PPARGC1A: variants seen among roughly 807,000 people sequenced by gnomAD.
PPARGC1A encodes the protein peroxisome proliferator-activated receptor gamma coactivator 1-alpha.
In PPARGC1A, 25 loss-of-function variants were observed where a neutral mutation model predicts 88.7. The ratio of observed to expected loss-of-function variants is 0.28; its 90% CI spans 0.21 to 0.39. The LOEUF (loss-of-function observed/expected upper bound fraction) is 0.39, where lower values mean the gene tolerates loss of function less well. Among genes scored for constraint, PPARGC1A ranks in the 10% least tolerant of loss-of-function variants. PPARGC1A has a pLI of 1.00. For synonymous variants in PPARGC1A, 363 were observed against 355.6 expected, an observed-to-expected ratio of 1.02 and a Z score of -0.24; for missense variants, 880 against 968.7, an observed-to-expected ratio of 0.91 and a Z score of 1.22.
the PPARGC1A span, among the ~76,000 whole-genome samples, chr4:24,329,836 T>C: frequency 6.6e-6 from 1 of 152,194 alleles, no homozygotes; most frequent in Non-Finnish European, 1.5e-5. Flanking sequence ...TGACTGCCTA[T>C]GAGAGAATCT....
the PPARGC1A span, among the ~76,000 whole-genome samples, chr4:24,280,000 A>G: frequency 6.6e-6 from 1 of 152,178 alleles, no homozygotes; most frequent in Admixed American, 6.5e-5. Context: ...CCAGAAAGCC[A>G]ATATCTAGCC....
the PPARGC1A span, among the ~76,000 whole-genome samples, chr4:23,995,438 C>G: frequency 6.6e-6 from 1 of 152,176 alleles, no homozygotes; most frequent in African/African-American, 2.4e-5. Flanking sequence ...TTGATCATGT[C>G]ACAGTCCTGC....
chr4:24,048,367 TC>T, the PPARGC1A span, among the ~76,000 whole-genome samples: 1 of 152,310 alleles, frequency 6.6e-6, no homozygotes, highest in East Asian at 1.9e-4. Flanking sequence ...GCCTCTATCC[TC>T]CGCAGCTCCA....
At chr4:24,313,524 G>A in the PPARGC1A span, among the ~76,000 whole-genome samples, 2 of 152,184 alleles carry the variant, frequency 1.3e-5, no homozygotes, top group African/African-American at 2.4e-5. Flanking sequence ...TTCTACTGTG[G>A]TTGGAAAGTT....
chr4:24,133,051 A>G, the PPARGC1A span, among the ~76,000 whole-genome samples: 1 of 152,074 alleles, frequency 6.6e-6, no homozygotes, highest in Non-Finnish European at 1.5e-5. Flanking sequence ...TTTATTTTTA[A>G]TAGAATATTG....
At chr4:24,326,794 A>T in the PPARGC1A span, among the ~76,000 whole-genome samples, 1 of 152,190 alleles carries the variant, frequency 6.6e-6, no homozygotes, top group Non-Finnish European at 1.5e-5. Context: ...CGCACCCTGT[A>T]GCCTTTCTGT....
At chr4:23,940,289 C>G in the PPARGC1A span, among the ~76,000 whole-genome samples, 1 of 152,114 alleles carries the variant, frequency 6.6e-6, no homozygotes, top group Admixed American at 6.6e-5. Flanking sequence ...ATGTAACAAA[C>G]CATCTTATAA....
At chr4:23,976,445 A>G in the PPARGC1A span, among the ~76,000 whole-genome samples, 2 of 152,222 alleles carry the variant, frequency 1.3e-5, no homozygotes, top group African/African-American at 4.8e-5. Context: ...GCTTTCCAAA[A>G]AAGTTTGATG....
the PPARGC1A span, among the ~76,000 whole-genome samples, chr4:24,091,941 ACACACACACACATATGCT>A: frequency 6.6e-6 from 1 of 151,666 alleles, no homozygotes; most frequent in Non-Finnish European, 1.5e-5. Flanking sequence ...ACACACACAC[ACACACACACACATATGCT>A]CACACACACA....
the PPARGC1A span, among the ~76,000 whole-genome samples, chr4:24,184,638 A>G: frequency 6.6e-6 from 1 of 152,306 alleles, no homozygotes; most frequent in East Asian, 1.9e-4. Flanking sequence ...GGCAGGTGAA[A>G]GTAATGATGC....
At chr4:23,963,123 C>T in the PPARGC1A span, among the ~76,000 whole-genome samples, 2 of 151,942 alleles carry the variant, frequency 1.3e-5, no homozygotes, top group Non-Finnish European at 1.5e-5. Flanking sequence ...GTGGAGACCC[C>T]GTGAAAAAAC....
At chr4:23,998,497 AAG>A in the PPARGC1A span, among the ~76,000 whole-genome samples, 7 of 152,276 alleles carry the variant, frequency 4.6e-5, no homozygotes, top group African/African-American at 1.4e-4. Context: ...TAAAGTATCA[AAG>A]AGAGAGTAAA....
the PPARGC1A span, among the ~76,000 whole-genome samples, chr4:24,028,878 G>C: frequency 6.6e-6 from 1 of 151,964 alleles, no homozygotes; most frequent in African/African-American, 2.4e-5. Flanking sequence ...AAAACAATAA[G>C]ACTTGGATTT....
At chr4:23,926,828 C>T in the PPARGC1A span, among the ~76,000 whole-genome samples, 8 of 152,322 alleles carry the variant, frequency 5.3e-5, no homozygotes, top group African/African-American at 1.7e-4. Flanking sequence ...TACTACTGCA[C>T]CCAGCACATT....
the PPARGC1A span, among the ~76,000 whole-genome samples, chr4:24,450,336 T>A: frequency 6.6e-6 from 1 of 152,222 alleles, no homozygotes; most frequent in African/African-American, 2.4e-5. Flanking sequence ...TACGAACTCC[T>A]TTAACTCTTA....
chr4:24,163,286 A>C, the PPARGC1A span, among the ~76,000 whole-genome samples: 297 of 151,346 alleles, frequency 2.0e-3, no homozygotes, highest in Non-Finnish European at 3.7e-3. Context: ...TTCTTATCCA[A>C]AATTAGTTGT....
chr4:23,881,723 T>A (rs896694291), intron 2 of PPARGC1A: 2 of 152,184 alleles, frequency 1.3e-5, no homozygotes, highest in African/African-American at 4.8e-5. Context: ...CCAAAGTAGA[T>A]AATGCTTGTT....
the PPARGC1A span, among the ~76,000 whole-genome samples, chr4:24,254,119 C>T: frequency 6.6e-6 from 1 of 152,180 alleles, no homozygotes; most frequent in Non-Finnish European, 1.5e-5. Flanking sequence ...TTCAGATGAA[C>T]GTGAAACTTT....
chr4:23,793,957 G>A lies in PPARGC1A; in HGVS notation c.*1865C>T, dbSNP rs1717081839. The stretch of plus-strand genomic sequence containing the variant: ...TAGGCTATCTGCAACTGATAAATAT[G>A]TCTCTTTAGTAAACAAAGGAATGAA... On this transcript the variant is annotated 3_prime_UTR_variant, in exon 13 of 13. Transcript: ENST00000264867. The A allele has an allele frequency of 6.6e-6, 1 of 152,512 alleles. No individual in the cohort carries two copies. The highest frequency in any genetic ancestry group is 2.4e-5 in the African/African-American group (1 of 41,418). 9.4% of individuals were successfully genotyped at this position (152,512 alleles called of 1,614,324 possible).
Sources: allele counts gnomAD v4.1 joint callset (sites outside exome capture counted in the v4.1 genomes callset), GRCh38; gene constraint gnomAD v4.1.1; transcripts MANE v1.5; gene names NCBI Gene and HGNC (gene_info 2026-07-23, HGNC 2026-07-21).